The following DNM3 variants were observed in gnomAD, a reference collection of about 807,000 sequenced individuals.
The protein encoded by DNM3 is dynamin-3.
A neutral mutation model predicts 101.6 loss-of-function variants in DNM3; 47 were observed. That is an observed-to-expected ratio of 0.46 (90% confidence interval 0.37 to 0.59). The LOEUF (loss-of-function observed/expected upper bound fraction) is 0.59, where lower values mean the gene tolerates loss of function less well. DNM3 is among the 20% of genes least tolerant of loss of function. The pLI is 0.00. For synonymous variants in DNM3, 385 were observed against 387.9 expected (o/e 0.99, Z 0.09); for missense variants, 849 against 1,085.7 (o/e 0.78, Z 3.06).
intron 11 of DNM3, among the ~76,000 whole-genome samples, chr1:172,080,810 G>A (rs757956288): frequency 4.6e-5 from 7 of 152,198 alleles, no homozygotes; most frequent in Admixed American, 1.3e-4. Flanking sequence ...TGGGAAAAGC[G>A]TAGTATCTGG....
chr1:172,173,194 G>A (rs1040490898), intron 14 of DNM3, among the ~76,000 whole-genome samples: 2 of 151,714 alleles, frequency 1.3e-5, no homozygotes, highest in African/African-American at 2.4e-5. Flanking sequence ...AGGCACTGAC[G>A]GTGAAGATGG....
chr1:172,202,152 C>T (rs181740537), intron 14 of DNM3, among the ~76,000 whole-genome samples: 54 of 152,266 alleles, frequency 3.5e-4, no homozygotes, highest in African/African-American at 1.2e-3. Context: ...CCATGAGAGG[C>T]ATGCACACTA....
At position 172,029,662 on chromosome 1, in the gene DNM3, G is replaced by A. The variant is rs574491069; in HGVS notation, c.590-2740G>A. Among the ~76,000 whole-genome samples the A allele has an allele frequency of 7.2e-5, 11 of 152,244 alleles. No homozygotes were observed. The South Asian group carries it at 8.3e-4, about 11-fold the overall frequency. On this transcript the variant is annotated intron_variant, in intron 4 of 20. Transcript: ENST00000627582. Reference sequence around the variant, plus strand: ...GATTATATATTTAGAAAACCCCATCGTCTCAGCCTGAAATCTCCTTAAGCT... The same window carrying A: ...GATTATATATTTAGAAAACCCCATCATCTCAGCCTGAAATCTCCTTAAGCT...
At chr1:171,900,575 T>C (rs1385098692) in intron 1 of DNM3, among the ~76,000 whole-genome samples, 1 of 152,092 alleles carries the variant, frequency 6.6e-6, no homozygotes, top group Non-Finnish European at 1.5e-5. Flanking sequence ...TGAGGGCGGC[T>C]TCCAGGGTGA....
At chr1:171,992,779 C>A (rs12408359) in intron 4 of DNM3, among the ~76,000 whole-genome samples, 37,956 of 151,668 alleles carry the variant, frequency 0.25, 6,061 homozygotes, top group African/African-American at 0.46. Context: ...TGTCCTATGT[C>A]TTTTTGTTTC....
At chr1:172,225,715 T>TG (rs1380189356) in intron 14 of DNM3, among the ~76,000 whole-genome samples, 1 of 152,058 alleles carries the variant, frequency 6.6e-6, no homozygotes, top group East Asian at 1.9e-4. Flanking sequence ...GATTGTCCAC[T>TG]GCACTTCAGC....
At chr1:172,014,370 G>T (rs1035259195) in intron 4 of DNM3, among the ~76,000 whole-genome samples, 1 of 152,136 alleles carries the variant, frequency 6.6e-6, no homozygotes, top group African/African-American at 2.4e-5. Flanking sequence ...TTAGAAACTT[G>T]CAAACTGTCT....
At chr1:171,908,202 G>A (rs960886700) in intron 1 of DNM3, among the ~76,000 whole-genome samples, 4 of 151,874 alleles carry the variant, frequency 2.6e-5, no homozygotes, top group African/African-American at 9.7e-5. Context: ...AAAAATATTG[G>A]GCTATTCTTC....
chr1:172,359,270 T>C (rs1204551692), intron 17 of DNM3, among the ~76,000 whole-genome samples: 1 of 151,970 alleles, frequency 6.6e-6, no homozygotes, highest in African/African-American at 2.4e-5. Context: ...GTAAGCATGG[T>C]CTGTCTGAAT....
chr1:171,863,173 C>T (rs554448648), intron 1 of DNM3, among the ~76,000 whole-genome samples: 1 of 151,324 alleles, frequency 6.6e-6, no homozygotes, highest in South Asian at 2.1e-4. Context: ...AAGGTAAGAC[C>T]CAGAAGAAGA....
chr1:172,292,834 ATTT>A (rs2063986058), intron 15 of DNM3, among the ~76,000 whole-genome samples: 1 of 152,190 alleles, frequency 6.6e-6, no homozygotes, highest in South Asian at 2.1e-4. Flanking sequence ...GGAAACATAC[ATTT>A]AAGACCCTCC....
chr1:172,254,436 G>A (rs1433559726), intron 15 of DNM3, among the ~76,000 whole-genome samples: 1 of 152,138 alleles, frequency 6.6e-6, no homozygotes, highest in African/African-American at 2.4e-5. Flanking sequence ...AAATAAAAAT[G>A]TATAGTATTT....
intron 11 of DNM3, among the ~76,000 whole-genome samples, chr1:172,072,642 C>T (rs1212555627): frequency 6.6e-6 from 1 of 152,190 alleles, no homozygotes; most frequent in East Asian, 1.9e-4. Context: ...AATCCCAGCA[C>T]TTTGGGAGGC....
rs1408722577 is a variant in DNM3 at position 172,407,797 on chromosome 1, C to T, written c.2548C>T (p.Arg850Cys). The change falls in exon 21 of 21, where the codon CGT (arginine) becomes TGT (cysteine). Residue 850 changes from arginine to cysteine, a missense_variant. By Grantham distance (180) the Arg-to-Cys change is radical. Transcript: ENST00000627582. ...CCGGAGACCACCCCCATCACCAACT[C>T]GTCCCACTATAATCCGCCCACTAGA... ...PSRRPPPSPTRPTIIRPLESS... is the reference protein window; with the variant it reads ...PSRRPPPSPTCPTIIRPLESS... 6.2e-6 allele frequency: 10 copies of T among 1,613,156 alleles called. No homozygotes were observed. The highest frequency in any genetic ancestry group is 4.5e-5 in the East Asian group (2 of 44,882).
chr1:171,963,560 C>A (rs1254908656), intron 2 of DNM3, among the ~76,000 whole-genome samples: 1 of 152,028 alleles, frequency 6.6e-6, no homozygotes, highest in African/African-American at 2.4e-5. Flanking sequence ...TCTATTGTAA[C>A]AAATGTCCCA....
chr1:172,133,447 T>C, intron 14 of DNM3: 1 of 985,306 alleles, frequency 1.0e-6, no homozygotes, highest in Non-Finnish European at 1.2e-6. Flanking sequence ...AGGTATGGTA[T>C]GGAGGGTAGT....
intron 14 of DNM3, among the ~76,000 whole-genome samples, chr1:172,233,878 A>C (rs2061434267): frequency 3.3e-5 from 5 of 152,248 alleles, no homozygotes; most frequent in Admixed American, 2.6e-4. Context: ...TTAGGTATTG[A>C]TGGGACGTAT....
chr1:172,133,490 A>G, intron 14 of DNM3: 1 of 908,268 alleles, frequency 1.1e-6, no homozygotes, highest in African/African-American at 1.8e-5. Context: ...TGACCCTTGA[A>G]ATAAATGGAA....
intron 1 of DNM3, among the ~76,000 whole-genome samples, chr1:171,895,497 C>A (rs905233909): frequency 3.9e-5 from 6 of 151,970 alleles, no homozygotes; most frequent in African/African-American, 1.2e-4. Context: ...TGATTTTTTT[C>A]TTGTAAATTT....
Sources: allele counts gnomAD v4.1 joint callset (sites outside exome capture counted in the v4.1 genomes callset), GRCh38; gene constraint gnomAD v4.1.1; transcripts MANE v1.5; gene names NCBI Gene and HGNC (gene_info 2026-07-23, HGNC 2026-07-21).